NACC1: variants seen among roughly 807,000 people sequenced by gnomAD.
The protein encoded by NACC1 is nucleus accumbens associated 1, also known as nucleus accumbens-associated protein 1.
Under a neutral mutation model 41.7 loss-of-function variants are expected in NACC1, and 6 were observed. The observed-to-expected ratio is 0.14, with a 90% CI of 0.08 to 0.28. The LOEUF (loss-of-function observed/expected upper bound fraction) is 0.28, where lower values mean the gene tolerates loss of function less well. Among genes scored for constraint, NACC1 ranks in the 10% least tolerant of loss-of-function variants. NACC1 has a pLI of 1.00. For missense variants in NACC1, 434 were observed against 763.7 expected (o/e 0.57, Z 5.09); for synonymous variants, 338 against 330.6 (o/e 1.02, Z -0.24).
At chr19:13,123,000 T>C (rs1332373622) in intron 1 of NACC1, among the ~76,000 whole-genome samples, 2 of 152,082 alleles carry the variant, frequency 1.3e-5, no homozygotes, top group East Asian at 1.9e-4. Flanking sequence ...GAGACTGATA[T>C]GGGGGGTGAG....
chr19:13,122,395 C>T (rs945973296), intron 1 of NACC1, among the ~76,000 whole-genome samples: 2 of 152,106 alleles, frequency 1.3e-5, no homozygotes, highest in African/African-American at 4.8e-5. Flanking sequence ...TACCTCTGAG[C>T]CTCAGTGTCC....
upstream of NACC1, chr19:13,117,580 G>C (rs79171389): frequency 2.3e-5 from 1 of 42,836 alleles, no homozygotes; most frequent in East Asian, 5.8e-4. Flanking sequence ...TTTTTTTTTT[G>C]AGACGGAGTC....
chr19:13,129,673 A>G (rs924468624), intron 1 of NACC1, among the ~76,000 whole-genome samples: 3 of 152,156 alleles, frequency 2.0e-5, no homozygotes, highest in South Asian at 2.1e-4. Flanking sequence ...ATTTGGACCA[A>G]TTGCTAATCA....
At chr19:13,129,949 G>C (rs2019612510) in intron 1 of NACC1, among the ~76,000 whole-genome samples, 2 of 152,052 alleles carry the variant, frequency 1.3e-5, no homozygotes, top group Non-Finnish European at 2.9e-5. Context: ...GCCGGTGCTG[G>C]GTGCTTGGTA....
At chr19:13,117,567 T>TTC (rs2019406019), upstream of NACC1, 1 of 150,128 alleles carries the variant, frequency 6.7e-6, no homozygotes, top group Admixed American at 6.6e-5. Context: ...TTCTTTCTTT[T>TTC]TTTTTTTTTT....
intron 1 of NACC1, among the ~76,000 whole-genome samples, chr19:13,121,043 G>T (rs921282679): frequency 2.0e-5 from 3 of 152,192 alleles, no homozygotes; most frequent in African/African-American, 7.2e-5. Flanking sequence ...CACAAGCAAA[G>T]GATCAAGATA....
chr19:13,123,747 A>G (rs1156705476), intron 1 of NACC1, among the ~76,000 whole-genome samples: 1 of 152,076 alleles, frequency 6.6e-6, no homozygotes, highest in African/African-American at 2.4e-5. Context: ...TTCTCTGAAC[A>G]CCAGTTTTCC....
Position 13,136,257 on chromosome 19 carries a change from G to A in NACC1, c.972G>A (p.Glu324=). ...CCGAGAAGGTGGAGGCCCTCCCGGA[G>A]CAGGTAGCCCCCGAGTCCCGAAATC... The part of the protein sequence containing the change: ...QTAEKVEALP[E]QVAPESRNRI... The change falls in exon 3 of 6, where the codon GAG becomes GAA. Residue 324 remains glutamate, a synonymous_variant. Transcript: ENST00000292431. The surrounding 1 kb of genome is among the most constrained non-coding windows in gnomAD (Gnocchi z 5.5). 3.7e-6 allele frequency: 6 copies of A among 1,613,760 alleles called. No individual in the cohort carries two copies. Among genetic ancestry groups the A allele is most frequent in the Non-Finnish European group, 5.1e-6 (6 of 1,179,782 alleles).
chr19:13,140,996 TCCCCACCCTGGGCCGAGCCCCCA>T lies in NACC1; in HGVS notation c.*2595_*2617del, dbSNP rs2019784132. ...CTGTCCACGTGAAGTGCCAACGCCC[TCCCCACCCTGGGCCGAGCCCCCA>T]CCCCTCCCTGGGCCCCCAAGTGAGA... On this transcript the variant is annotated 3_prime_UTR_variant, in exon 6 of 6. Transcript: ENST00000292431. This position sits in a 1 kb window ranked among gnomAD's most constrained non-coding sequence, Gnocchi z 4.0. 1 of 151,890 alleles carries T rather than the reference TCCCCACCCTGGGCCGAGCCCCCA, an allele frequency of 6.6e-6. No individual in the cohort carries two copies. Among genetic ancestry groups the T allele is most frequent in the Non-Finnish European group, 1.5e-5 (1 of 67,886 alleles). The allele number at this position is 151,890 out of a possible 1,614,324, so 9.4% of individuals were successfully genotyped here.
At chr19:13,119,188 G>A (rs1472506037) in intron 1 of NACC1, among the ~76,000 whole-genome samples, 2 of 152,010 alleles carry the variant, frequency 1.3e-5, no homozygotes, top group African/African-American at 4.8e-5. Flanking sequence ...TGTGGGGGCA[G>A]GTCAGGAAAA....
chr19:13,127,371 C>CTTT lies in NACC1; in HGVS notation c.-8-7802_-8-7800dup, dbSNP rs147514422. On this transcript the variant is annotated intron_variant, in intron 1 of 5. Coordinates refer to ENST00000292431, the MANE Select transcript of NACC1 (RefSeq NM_052876.4). ...AAAAAAAAGCATACATATACATATA[C>CTTT]TTTTTTTTTTTTTTTTTTTTTTTTT... Among the ~76,000 whole-genome samples, 139 of 28,510 alleles carry CTTT rather than the reference C, an allele frequency of 4.9e-3. 36 individuals carry two copies. Among genetic ancestry groups the CTTT allele is most frequent in the African/African-American group, 0.015 (116 of 7,778 alleles). 18.7% of individuals were successfully genotyped at this position (28,510 alleles called of 152,430 possible).
In NACC1 at chr19:13,136,074, C is replaced by A; in HGVS notation, c.867C>A (p.Gly289=). The part of the protein sequence containing the change: ...HNEEDEEEDG[G]EEGMDEQYRQ... Reference sequence around the variant, plus strand: ...AGGAGGACGAGGAGGAGGATGGTGGCGAGGAGGGCATGGATGAGCAGTACC... The same window carrying A: ...AGGAGGACGAGGAGGAGGATGGTGGAGAGGAGGGCATGGATGAGCAGTACC... Residue 289 remains glycine (G), a synonymous_variant, in exon 2 of 6, where the codon GGC becomes GGA. Transcript: ENST00000292431. This position sits in a 1 kb window ranked among gnomAD's most constrained non-coding sequence, Gnocchi z 5.5. 1 of 1,614,062 alleles carries A rather than the reference C, an allele frequency of 6.2e-7. No individual in the cohort carries two copies. Among genetic ancestry groups the A allele is most frequent in the South Asian group, 1.1e-5 (1 of 91,076 alleles).
At chr19:13,119,470 G>A (rs547144887) in intron 1 of NACC1, among the ~76,000 whole-genome samples, 1 of 152,236 alleles carries the variant, frequency 6.6e-6, no homozygotes, top group Non-Finnish European at 1.5e-5. Context: ...CAGGGAGGCA[G>A]CCCAGCAGAC....
At chr19:13,130,367 C>T (rs778136590) in intron 1 of NACC1, among the ~76,000 whole-genome samples, 47 of 152,086 alleles carry the variant, frequency 3.1e-4, no homozygotes, top group Non-Finnish European at 6.5e-4. Flanking sequence ...CGTGAGCCAC[C>T]GTGCCCAGCC....
intron 1 of NACC1, among the ~76,000 whole-genome samples, chr19:13,119,267 TC>T (rs2019457945): frequency 6.6e-6 from 1 of 152,036 alleles, no homozygotes. Context: ...GTTAAGGGGT[TC>T]CGTCTTTCTC....
At chr19:13,128,286 G>T (rs2019590326) in intron 1 of NACC1, among the ~76,000 whole-genome samples, 1 of 152,150 alleles carries the variant, frequency 6.6e-6, no homozygotes, top group African/African-American at 2.4e-5. Context: ...TCACAGACTG[G>T]GTGGCTTAAA....
chr19:13,129,671 C>G (rs1218274103), intron 1 of NACC1, among the ~76,000 whole-genome samples: 1 of 152,174 alleles, frequency 6.6e-6, no homozygotes, highest in African/African-American at 2.4e-5. Flanking sequence ...CTATTTGGAC[C>G]AATTGCTAAT....
chr19:13,133,674 C>T (rs953974643), intron 1 of NACC1, among the ~76,000 whole-genome samples: 3 of 152,200 alleles, frequency 2.0e-5, no homozygotes, highest in Non-Finnish European at 2.9e-5. Flanking sequence ...CATCCATCCG[C>T]AGATGGACGT....
chr19:13,123,700 C>T (rs943176132), intron 1 of NACC1, among the ~76,000 whole-genome samples: 5 of 152,190 alleles, frequency 3.3e-5, no homozygotes, highest in Admixed American at 6.5e-5. Flanking sequence ...GCTCTGGGCT[C>T]GGCCGGTCCG....
Sources: allele counts gnomAD v4.1 joint callset (sites outside exome capture counted in the v4.1 genomes callset), GRCh38; gene constraint gnomAD v4.1.1; non-coding constraint Gnocchi (gnomAD v3.1); transcripts MANE v1.5; gene names NCBI Gene and HGNC (gene_info 2026-07-23, HGNC 2026-07-21).